UTP25: variants seen among roughly 807,000 people sequenced by gnomAD.
UTP25 encodes UTP25 small subunit processome component, also known as U3 small nucleolar RNA-associated protein 25 homolog.
UTP25 carries 50 observed loss-of-function variants against 78.9 expected under a neutral mutation model. The observed-to-expected ratio is 0.63, with a 90% CI of 0.50 to 0.80. The LOEUF (loss-of-function observed/expected upper bound fraction) is 0.80. Among genes scored for constraint, UTP25 ranks in the 30% least tolerant of loss-of-function variants. The probability of loss-of-function intolerance (pLI) is 0.00; values close to 1 mark genes in which losing one functional copy is unlikely to be tolerated. For missense variants in UTP25, 846 were observed against 911.3 expected, an observed-to-expected ratio of 0.93 and a Z score of 0.92; for synonymous variants, 329 against 336.5, an observed-to-expected ratio of 0.98 and a Z score of 0.24.
intron 6 of UTP25, 32 bp downstream of exon 6, chr1:209,837,243 G>A (rs1430571934): frequency 1.3e-6 from 2 of 1,596,856 alleles, no homozygotes; most frequent in Non-Finnish European, 1.7e-6. Flanking sequence ...TGCTCTCGAG[G>A]AGGTGGCTGC....
At chr1:209,851,122 T>C in intron 11 of UTP25, 82 bp from the exon 12 acceptor site, 1 of 1,480,022 alleles carries the variant, frequency 6.8e-7, no homozygotes, top group Non-Finnish European at 9.1e-7. Flanking sequence ...AAGCATGAAC[T>C]ATGCCTCTGT....
intron 11 of UTP25, chr1:209,844,242 G>C (rs2102578686): frequency 6.5e-6 from 1 of 152,692 alleles, no homozygotes; most frequent in East Asian, 1.9e-4. Flanking sequence ...AAAGGGTAAG[G>C]GCTTCAAGTT....
At chr1:209,844,882 C>T (rs1191117852) in intron 11 of UTP25, among the ~76,000 whole-genome samples, 4 of 152,100 alleles carry the variant, frequency 2.6e-5, no homozygotes, top group Non-Finnish European at 5.9e-5. Context: ...ATGTAAATTA[C>T]ATTCTGTTAC....
At chr1:209,831,806 T>G (rs996052531) in intron 3 of UTP25, among the ~76,000 whole-genome samples, 3 of 152,194 alleles carry the variant, frequency 2.0e-5, no homozygotes, top group Admixed American at 2.0e-4. Context: ...TCATATAAAT[T>G]GAATCATACA....
In UTP25 at chr1:209,843,604, G is replaced by A. The variant is rs569973289; in HGVS notation, c.1935G>A (p.Thr645=). The change falls in exon 11 of 12, where the codon ACG becomes ACA. Residue 645 remains threonine (T), a synonymous_variant. Transcript: ENST00000491415. ...ELNFTHICEY[T]QKSGVSRARH... ...ATTTTACCCACATCTGCGAGTACAC[G>A]CAGAAGTCTGGTGTCTCCAGGGCCA... 6.2e-6 allele frequency: 10 copies of A among 1,614,104 alleles called. 1 individual carries two copies. Among genetic ancestry groups the A allele is most frequent in the Middle Eastern group, 1.6e-4 (1 of 6,062 alleles).
rs2078164803 is a variant in UTP25 at position 209,841,073 on chromosome 1, C to T, written c.1485+18C>T. 6.2e-7 allele frequency: 1 copy of T among 1,613,170 alleles called. No homozygotes were observed. The highest frequency in any genetic ancestry group is 2.2e-5 in the East Asian group (1 of 44,870). ...ATGTCCTGGTAATGCTGGCCATTCA[C>T]ATTCAGTGGGACAGTATTCATATTT... On this transcript the variant is annotated intron_variant, in intron 8 of 11. Coordinates refer to ENST00000491415, the MANE Select transcript of UTP25 (RefSeq NM_014388.7).
chr1:209,830,925 G>A lies in UTP25; in HGVS notation c.270G>A (p.Glu90=). 1 of 1,613,368 alleles carries A rather than the reference G, an allele frequency of 6.2e-7. No individual in the cohort carries two copies. Among genetic ancestry groups the A allele is most frequent in the Non-Finnish European group, 8.5e-7 (1 of 1,179,308 alleles). The part of the protein sequence containing the change: ...KNVSEEEEED[E]EEEEEEDSIV... ...TTTCTGAGGAAGAAGAGGAAGATGA[G>A]GAGGAGGAAGAGGAAGAAGACAGTA... Residue 90 remains glutamate, a synonymous_variant, in exon 3 of 12, where the codon GAG becomes GAA. Coordinates refer to ENST00000491415, the MANE Select transcript of UTP25 (RefSeq NM_014388.7).
chr1:209,841,135 A>G, intron 8 of UTP25, 80 bp downstream of exon 8: 2 of 1,472,120 alleles, frequency 1.4e-6, no homozygotes, highest in Non-Finnish European at 9.4e-7. Flanking sequence ...AGTCCTAAAG[A>G]ATTATTTAAG....
At chr1:209,839,858 G>T (rs1006371672) in intron 7 of UTP25, among the ~76,000 whole-genome samples, 1 of 152,232 alleles carries the variant, frequency 6.6e-6, no homozygotes, top group Non-Finnish European at 1.5e-5. Flanking sequence ...TGCAACGGTT[G>T]TTCTCGGAGC....
Position 209,853,944 on chromosome 1 carries a change from T to C in UTP25, c.*2497T>C, listed in dbSNP as rs1368985175. 1 of 152,226 alleles carries C rather than the reference T, an allele frequency of 6.6e-6. No individual in the cohort carries two copies. The highest frequency in any genetic ancestry group is 1.5e-5 in the Non-Finnish European group (1 of 68,042). The allele number at this position is 152,226 out of a possible 1,614,324, so 9.4% of individuals were successfully genotyped here. A position where few individuals can be genotyped will look rare whatever the true frequency, so the allele number is the denominator to read the frequency against. ...GTGTGAACAAAGTAGTGTTGCTTTGTTCCTGGCTCAGCACCTGAAAAGAAG... is the reference window on the plus strand; with the variant it reads ...GTGTGAACAAAGTAGTGTTGCTTTGCTCCTGGCTCAGCACCTGAAAAGAAG... On this transcript the variant is annotated 3_prime_UTR_variant, in exon 12 of 12. Coordinates refer to ENST00000491415, the MANE Select transcript of UTP25 (RefSeq NM_014388.7).
intron 11 of UTP25, among the ~76,000 whole-genome samples, chr1:209,849,134 G>T (rs1391079154): frequency 6.6e-6 from 1 of 152,094 alleles, no homozygotes; most frequent in African/African-American, 2.4e-5. Flanking sequence ...GAAGTCGGGG[G>T]GAGGGGGTTC....
chr1:209,851,156 G>C (rs780065558), intron 11 of UTP25, 48 bp from the exon 12 acceptor site: 2 of 1,573,492 alleles, frequency 1.3e-6, no homozygotes, highest in African/African-American at 2.7e-5. Flanking sequence ...AGTTTTTCTA[G>C]AACTTGTTTC....
At position 209,851,444 on chromosome 1, in the gene UTP25, A is replaced by G. The variant is rs1298474694; in HGVS notation, c.2268A>G (p.Lys756=). 1 of 1,601,790 alleles carries G rather than the reference A, an allele frequency of 6.2e-7. No homozygotes were observed. The highest frequency in any genetic ancestry group is 2.2e-5 in the East Asian group (1 of 44,690). The change falls in exon 12 of 12, where the codon AAA becomes AAG. Residue 756 remains lysine, a synonymous_variant. Transcript: ENST00000491415. ...TCCACCTCTTCATTACTGGAGAAAA[A>G]TGAAATTTTGTTGGGCAGGAAGTGG... ...KNVHLFITGE[K]
intron 11 of UTP25, among the ~76,000 whole-genome samples, chr1:209,847,224 C>G (rs938422339): frequency 1.7e-4 from 26 of 152,102 alleles, no homozygotes; most frequent in African/African-American, 5.3e-4. Flanking sequence ...CTACGACATC[C>G]TCTCTTCCCC....
chr1:209,838,082 T>G (rs1174922169), intron 6 of UTP25, among the ~76,000 whole-genome samples: 1 of 152,208 alleles, frequency 6.6e-6, no homozygotes, highest in African/African-American at 2.4e-5. Flanking sequence ...TCTCTGCAAC[T>G]GTACCAAGCT....
At position 209,851,181 on chromosome 1, in the gene UTP25, CTCTT is replaced by C. The variant is rs751521955; in HGVS notation, c.2028-16_2028-13del. 1.4e-5 allele frequency: 22 copies of C among 1,600,458 alleles called. No homozygotes were observed. Among genetic ancestry groups the C allele is most frequent in the South Asian group, 1.2e-4 (11 of 88,508 alleles). On this transcript the variant is annotated intron_variant, in intron 11 of 11. Coordinates refer to ENST00000491415, the MANE Select transcript of UTP25 (RefSeq NM_014388.7). Reference sequence around the variant, plus strand: ...GAACTTGTTTCTCAAGTTGACATAGCTCTTTCTTTCCAATTCTGACAGGTATACA... The same window carrying C: ...GAACTTGTTTCTCAAGTTGACATAGCTCTTTCCAATTCTGACAGGTATACA...
Position 209,838,910 on chromosome 1 carries a change from T to A in UTP25, c.1064T>A (p.Val355Glu). ...AGGCTGCTGTTGCTGTCTGCACAGG[T>A]ACTGATAGTGGTGCCATTCCGGGAA... ...FRDQGLTRPK[V>E]LIVVPFREAA... The change falls in exon 7 of 12, where the codon GTA (valine) becomes GAA (glutamate). Residue 355 changes from valine (V) to glutamate (E), a missense_variant and splice_region_variant. Physicochemically the swap from Val to Glu is moderately radical, Grantham distance 121. Transcript: ENST00000491415. 1 of 1,614,062 alleles carries A rather than the reference T, an allele frequency of 6.2e-7. No individual in the cohort carries two copies. Among genetic ancestry groups the A allele is most frequent in the Middle Eastern group, 1.6e-4 (1 of 6,062 alleles).
chr1:209,842,174 CAT>C, intron 8 of UTP25, 89 bp from the exon 9 acceptor site: 1 of 1,311,144 alleles, frequency 7.6e-7, no homozygotes, highest in Non-Finnish European at 1.1e-6. Context: ...GATGATAGTA[CAT>C]GAGTTGATAG....
chr1:209,842,211 C>T (rs2078170677), intron 8 of UTP25, 54 bp from the exon 9 acceptor site: 1 of 1,489,570 alleles, frequency 6.7e-7, no homozygotes, highest in Middle Eastern at 2.3e-4. Context: ...TAGCAATGTC[C>T]AACATGTAAA....
Sources: allele counts gnomAD v4.1 joint callset (sites outside exome capture counted in the v4.1 genomes callset), GRCh38; gene constraint gnomAD v4.1.1; transcripts MANE v1.5; gene names NCBI Gene and HGNC (gene_info 2026-07-23, HGNC 2026-07-21).